TMEM45A: variants seen among roughly 807,000 people sequenced by gnomAD.
TMEM45A encodes transmembrane protein 45A, also known as DNA polymerase-transactivated protein 4.
In TMEM45A, 25 loss-of-function variants were observed where a neutral mutation model predicts 32.0. That is an observed-to-expected ratio of 0.78 (90% CI 0.57 to 1.09). The LOEUF (loss-of-function observed/expected upper bound fraction) is 1.09, where lower values mean the gene tolerates loss of function less well. Ranked by LOEUF, TMEM45A falls within the 50% of genes least tolerant of loss-of-function variation. The pLI is 0.00. For synonymous variants in TMEM45A, 122 were observed against 114.8 expected, an observed-to-expected ratio of 1.06 and a Z score of -0.40; for missense variants, 302 against 325.0, an observed-to-expected ratio of 0.93 and a Z score of 0.54.
intron 1 of TMEM45A, among the ~76,000 whole-genome samples, chr3:100,495,385 C>G (rs1296784331): frequency 6.6e-6 from 1 of 152,176 alleles, no homozygotes; most frequent in African/African-American, 2.4e-5. Context: ...GGAAGGAGAC[C>G]TTTTGCAGGG....
At chr3:100,575,147 C>G (rs1198514079) in intron 5 of TMEM45A, among the ~76,000 whole-genome samples, 1 of 152,072 alleles carries the variant, frequency 6.6e-6, no homozygotes, top group Non-Finnish European at 1.5e-5. Flanking sequence ...TTTGCATATT[C>G]CTATGTATTT....
intron 1 of TMEM45A, among the ~76,000 whole-genome samples, chr3:100,495,547 G>A (rs889239628): frequency 6.6e-6 from 1 of 152,170 alleles, no homozygotes; most frequent in Admixed American, 6.5e-5. Flanking sequence ...GAGAGGCTTG[G>A]GAGGTAGATT....
intron 1 of TMEM45A, among the ~76,000 whole-genome samples, chr3:100,506,011 GA>G (rs1236664844): frequency 6.6e-6 from 1 of 152,212 alleles, no homozygotes; most frequent in Admixed American, 6.5e-5. Flanking sequence ...GATAACTGCA[GA>G]GGGGGCCCTC....
chr3:100,547,494 A>G (rs1706001753), intron 1 of TMEM45A, among the ~76,000 whole-genome samples: 1 of 152,116 alleles, frequency 6.6e-6, no homozygotes, highest in Non-Finnish European at 1.5e-5. Flanking sequence ...GGAAGATAAA[A>G]TATATTTACT....
intron 1 of TMEM45A, among the ~76,000 whole-genome samples, chr3:100,536,281 G>A (rs2148961393): frequency 6.6e-6 from 1 of 152,204 alleles, no homozygotes; most frequent in South Asian, 2.1e-4. Flanking sequence ...AGTCACTTGG[G>A]GATCTGGTTA....
chr3:100,510,824 A>G (rs1292740634), intron 1 of TMEM45A, among the ~76,000 whole-genome samples: 3 of 152,262 alleles, frequency 2.0e-5, no homozygotes, highest in Non-Finnish European at 4.4e-5. Flanking sequence ...TACGTGAAGA[A>G]TGCAGAAGCC....
chr3:100,514,925 A>G (rs1334868072), intron 1 of TMEM45A, among the ~76,000 whole-genome samples: 1 of 149,608 alleles, frequency 6.7e-6, no homozygotes, highest in Non-Finnish European at 1.5e-5. Context: ...AACCACAATG[A>G]GATACCATCT....
At chr3:100,506,711 C>A (rs1272470943) in intron 1 of TMEM45A, among the ~76,000 whole-genome samples, 1 of 152,186 alleles carries the variant, frequency 6.6e-6, no homozygotes, top group Admixed American at 6.5e-5. Context: ...AAGATATTGG[C>A]TAATTACATT....
chr3:100,576,953 T>C lies in TMEM45A; in HGVS notation c.763T>C (p.Cys255Arg). The change falls in exon 6 of 6, where the codon TGC becomes CGC. Residue 255 changes from cysteine (C) to arginine (R), a missense_variant. Transcript: ENST00000323523. ...GGTTAAATCTAGACTTAAGAGGCTC[T>C]GCTCCTCAGAAGTTGGACTTCTGAA... Reference protein sequence around the residue: ...WLVKSRLKRLCSSEVGLLKNA... With the variant: ...WLVKSRLKRLRSSEVGLLKNA... 3.7e-6 allele frequency: 6 copies of C among 1,613,694 alleles called. 1 individual carries two copies. The South Asian group carries it at 6.6e-5, about 18-fold the overall frequency.
chr3:100,558,725 A>T, intron 4 of TMEM45A, 136 bp downstream of exon 4: 1 of 938,336 alleles, frequency 1.1e-6, no homozygotes, highest in Non-Finnish European at 1.6e-6. Flanking sequence ...CTGAGAAGTG[A>T]TGTTTCTTTG....
chr3:100,528,252 G>T (rs1334975733), intron 1 of TMEM45A, among the ~76,000 whole-genome samples: 2 of 152,144 alleles, frequency 1.3e-5, no homozygotes, highest in Admixed American at 1.3e-4. Context: ...CATTTTCTGG[G>T]AACCTTTCGC....
intron 1 of TMEM45A, among the ~76,000 whole-genome samples, chr3:100,547,163 C>T (rs1479606922): frequency 6.6e-6 from 1 of 151,862 alleles, no homozygotes; most frequent in South Asian, 2.1e-4. Context: ...GCTCTGTTGC[C>T]CAGGCTGGAG....
intron 5 of TMEM45A, 89 bp from the exon 6 acceptor site, chr3:100,576,836 A>G (rs1706698495): frequency 1.9e-6 from 2 of 1,032,250 alleles, no homozygotes; most frequent in African/African-American, 1.6e-5. Flanking sequence ...TGCCCAAATA[A>G]TCTAGACTTT....
chr3:100,571,412 T>A (rs1005911975), intron 5 of TMEM45A: 16 of 152,256 alleles, frequency 1.1e-4, no homozygotes, highest in African/African-American at 3.9e-4. Flanking sequence ...ATAAAGATGA[T>A]TTAATATTGA....
At chr3:100,519,443 A>G (rs1705389415) in intron 1 of TMEM45A, 2 of 827,546 alleles carry the variant, frequency 2.4e-6, no homozygotes, top group East Asian at 2.7e-5. Context: ...GTTTCAGCCT[A>G]TTGATTTTTT....
chr3:100,537,389 C>G (rs1705760849), intron 1 of TMEM45A, among the ~76,000 whole-genome samples: 1 of 152,182 alleles, frequency 6.6e-6, no homozygotes, highest in African/African-American at 2.4e-5. Flanking sequence ...CTATTAGCCT[C>G]AGTTGGCAAA....
At position 100,558,568 on chromosome 3, in the gene TMEM45A, TC is replaced by T; in HGVS notation, c.568del (p.Gln190ArgfsTer23). ...TATTGCGGTCAAGTCTCATTCTGCT[TC>T]AGGGGAGCTGGTTCTTTCAGGTGAG... ...ELLRSSLILLQGSWFFQIGFV... is the reference protein window; with the variant it reads ...ELLRSSLILLXGSWFFQIGFV... On this transcript the variant is annotated frameshift_variant, in exon 4 of 6. Transcript: ENST00000323523. LOFTEE classifies it high-confidence loss of function. 3.7e-6 allele frequency: 6 copies of T among 1,614,040 alleles called. No individual in the cohort carries two copies. Among genetic ancestry groups the T allele is most frequent in the Non-Finnish European group, 5.1e-6 (6 of 1,179,920 alleles).
intron 1 of TMEM45A, among the ~76,000 whole-genome samples, chr3:100,510,161 G>C (rs562142416): frequency 6.6e-6 from 1 of 152,202 alleles, no homozygotes; most frequent in Non-Finnish European, 1.5e-5. Flanking sequence ...CCACCTCTGG[G>C]GGCAGGGCAC....
Position 100,576,913 on chromosome 3 carries a change from C to A in TMEM45A, c.735-12C>A, listed in dbSNP as rs759577138. On this transcript the variant is annotated splice_polypyrimidine_tract_variant and intron_variant, in intron 5 of 5. Coordinates refer to ENST00000323523, the MANE Select transcript of TMEM45A (RefSeq NM_018004.3). ...AAACCGTCTAACTTGAGATGCTTTT[C>A]TTTCTCCTCAGGTTGGTTAAATCTA... The A allele has an allele frequency of 3.8e-6, 6 of 1,595,658 alleles. No individual in the cohort carries two copies. The highest frequency in any genetic ancestry group is 4.3e-6 in the Non-Finnish European group (5 of 1,165,184).
Sources: gnomAD v4.1 joint callset for allele counts (sites outside exome capture counted in the v4.1 genomes callset) on GRCh38, gnomAD v4.1.1 for gene constraint, MANE v1.5 for transcripts, NCBI Gene and HGNC (gene_info 2026-07-23, HGNC 2026-07-21) for gene names.